Variants in OBSL1 observed in about 807,000 individuals in gnomAD.
OBSL1 encodes obscurin-like protein 1.
OBSL1 carries 160 observed loss-of-function variants against 172.0 expected under a neutral mutation model. That is an observed-to-expected ratio of 0.93 (90% confidence interval 0.82 to 1.06). The LOEUF is 1.06. Ranked by LOEUF, OBSL1 falls within the 50% of genes least tolerant of loss-of-function variation. The pLI is 0.00. For missense variants in OBSL1, 2,681 were observed against 2,715.4 expected (o/e 0.99, Z 0.28); for synonymous variants, 1,200 against 1,196.3 (o/e 1.00, Z -0.06).
At chr2:219,555,958 G>A (rs1326956135) in intron 14 of OBSL1, 62 bp downstream of exon 14, 1 of 1,578,542 alleles carries the variant, frequency 6.3e-7, no homozygotes. Flanking sequence ...GGGACTCCAG[G>A]ACAGCCAGAA....
At chr2:219,551,139 G>A in intron 20 of OBSL1, 1 of 1,399,318 alleles carries the variant, frequency 7.1e-7, no homozygotes. Context: ...TGCTGAGATG[G>A]GCAGAGGCAA....
At chr2:219,549,716 G>A, downstream of OBSL1, 1 of 1,613,700 alleles carries the variant, frequency 6.2e-7, no homozygotes, top group Non-Finnish European at 8.5e-7. Context: ...CTCCCCCACA[G>A]AGCTATATCC....
At position 219,553,595 on chromosome 2, in the gene OBSL1, C is replaced by G. The variant is rs758657495; in HGVS notation, c.4968G>C (p.Leu1656Phe). 2.5e-6 allele frequency: 4 copies of G among 1,613,736 alleles called. No homozygotes were observed. The highest frequency in any genetic ancestry group is 2.2e-5 in the South Asian group (2 of 91,034). Reference protein sequence around the residue: ...ATFECELSQALADVTWEKDGN... With the variant: ...ATFECELSQAFADVTWEKDGN... ...TGACCTTCTCCCAGGTAACATCAGC[C>G]AAAGCTTGGGAAAGCTCGCACTCGA... The change falls in exon 16 of 21, where the codon TTG becomes TTC. Residue 1656 changes from leucine (L) to phenylalanine (F), a missense_variant. Coordinates refer to ENST00000404537, the MANE Select transcript of OBSL1 (RefSeq NM_015311.3).
rs1406198575 is a variant in OBSL1 at position 219,568,691 on chromosome 2, C to A, written c.1013-367G>T. Among the ~76,000 whole-genome samples, 7 of 152,162 alleles carry A rather than the reference C, an allele frequency of 4.6e-5. No homozygotes were observed. Among genetic ancestry groups the A allele is most frequent in the Non-Finnish European group, 8.8e-5 (6 of 68,024 alleles). ...TTTCCAAACTGTTCCCTGGCTCCCC[C>A]CGCCCCAGTCATTTCACATATTCTG... On this transcript the variant is annotated intron_variant, in intron 1 of 20. Transcript: ENST00000404537. This position sits in a 1 kb window ranked among gnomAD's most constrained non-coding sequence, Gnocchi z 4.1.
At position 219,556,733 on chromosome 2, in the gene OBSL1, A is replaced by G; in HGVS notation, c.4067-10T>C. On this transcript the variant is annotated splice_polypyrimidine_tract_variant and intron_variant, in intron 12 of 20. Coordinates refer to ENST00000404537, the MANE Select transcript of OBSL1 (RefSeq NM_015311.3). ...TTCACCAGCAGTGGCTCTAAGGGGC[A>G]CGGTAAGGCAGTGAGCTGGGCTGAG... The G allele has an allele frequency of 6.3e-7, 1 of 1,590,916 alleles. No individual in the cohort carries two copies. The highest frequency in any genetic ancestry group is 8.6e-7 in the Non-Finnish European group (1 of 1,163,610).
chr2:219,570,476 T>A lies in OBSL1; in HGVS notation c.757A>T (p.Lys253Ter). Residue 253 changes from lysine (K) to a stop codon, truncating the protein, a stop_gained, in exon 1 of 21, where the codon AAG (lysine) becomes TAG (stop). Transcript: ENST00000404537. LOFTEE classifies it high-confidence loss of function. ...TTGCCCTCGTTCACCCAGAAGGTCTTAGGCGCGCACTTGAGCGGCTCCACC... is the reference window on the plus strand; with the variant it reads ...TTGCCCTCGTTCACCCAGAAGGTCTAAGGCGCGCACTTGAGCGGCTCCACC... ...PVVEPLKCAPKTFWVNEGKHA... is the reference protein window; with the variant it reads ...PVVEPLKCAP 1.2e-6 allele frequency: 2 copies of A among 1,612,664 alleles called. No homozygotes were observed. The highest frequency in any genetic ancestry group is 1.7e-6 in the Non-Finnish European group (2 of 1,179,520).
At chr2:219,566,361 AGAGT>A (rs1696889489) in intron 5 of OBSL1, among the ~76,000 whole-genome samples, 2 of 152,078 alleles carry the variant, frequency 1.3e-5, no homozygotes, top group African/African-American at 2.4e-5. Context: ...CCTGGGCGAC[AGAGT>A]GAGACTCTAT....
rs780528802 is a variant in OBSL1 at position 219,556,224 on chromosome 2, C to T, written c.4405G>A (p.Glu1469Lys). ...RAEEGQDVCL[E>K]VETGRVGAAG... ...GCACCCACTCGGCCTGTCTCCACTT[C>T]GAGACACACATCCTGGCCTTCCTCT... The change falls in exon 14 of 21, where the codon GAA becomes AAA. Residue 1469 changes from glutamate to lysine, a missense_variant. This residue lies in a region of OBSL1 where 1,765 missense variants were observed against 1,748.3 expected (regional missense o/e 1.01). Transcript: ENST00000404537. The T allele has an allele frequency of 4.0e-5, 64 of 1,608,662 alleles. No individual in the cohort carries two copies. The highest frequency in any genetic ancestry group is 1.7e-4 in the Middle Eastern group (1 of 5,906).
At chr2:219,559,164 G>T in intron 9 of OBSL1, 61 bp downstream of exon 9, 1 of 1,483,192 alleles carries the variant, frequency 6.7e-7, no homozygotes, top group Non-Finnish European at 9.2e-7. Flanking sequence ...GGGCTAGGTG[G>T]GTGTCTGTCC....
chr2:219,570,570 C>T lies in OBSL1; in HGVS notation c.663G>A (p.Gly221=). The T allele has an allele frequency of 1.3e-6, 2 of 1,551,056 alleles. No individual in the cohort carries two copies. Among genetic ancestry groups the T allele is most frequent in the South Asian group, 1.2e-5 (1 of 84,414 alleles). The change falls in exon 1 of 21, where the codon GGG becomes GGA. Residue 221 remains glycine, a synonymous_variant. Coordinates refer to ENST00000404537, the MANE Select transcript of OBSL1 (RefSeq NM_015311.3). The part of the protein sequence containing the change: ...ARNAHGHAQA[G]ALLQVHQPPE... Reference sequence around the variant, plus strand: ...GGGGCTGGTGCACCTGGAGCAGCGCCCCCGCCTGCGCGTGGCCGTGCGCGT... The same window carrying T: ...GGGGCTGGTGCACCTGGAGCAGCGCTCCCGCCTGCGCGTGGCCGTGCGCGT...
Position 219,571,194 on chromosome 2 carries a change from G to A in OBSL1, c.39C>T (p.Cys13=). 3 of 1,468,434 alleles carry A rather than the reference G, an allele frequency of 2.0e-6. No individual in the cohort carries two copies. The highest frequency in any genetic ancestry group is 2.7e-5 in the South Asian group (2 of 74,798). 91.0% of individuals were successfully genotyped at this position (1,468,434 alleles called of 1,614,324 possible). Reference sequence around the variant, plus strand: ...GCACAGGCCGCGGGAAGCGCAGGAAGCACGGGGGGCTCCCCTGATCCCCCG... The same window carrying A: ...GCACAGGCCGCGGGAAGCGCAGGAAACACGGGGGGCTCCCCTGATCCCCCG... ...ASSGDQGSPP[C]FLRFPRPVRV... The change falls in exon 1 of 21, where the codon TGC becomes TGT. Residue 13 remains cysteine, a synonymous_variant. Transcript: ENST00000404537.
At chr2:219,559,743 C>G (rs1436616986) in intron 8 of OBSL1, 4 of 492,494 alleles carry the variant, frequency 8.1e-6, no homozygotes, top group Non-Finnish European at 1.4e-5. Flanking sequence ...CCTCAGCCCC[C>G]ACGGGAGCCT....
chr2:219,561,573 C>T, intron 8 of OBSL1: 1 of 366,290 alleles, frequency 2.7e-6, no homozygotes. Context: ...CCAGGCTGTG[C>T]AGTCCTAGAG....
chr2:219,552,393 G>T, intron 18 of OBSL1, 143 bp downstream of exon 18: 1 of 889,018 alleles, frequency 1.1e-6, no homozygotes, highest in Non-Finnish European at 1.7e-6. Flanking sequence ...GCTGGGGGCG[G>T]GGGAAAGAAC....
Position 219,550,845 on chromosome 2 carries a change from G to A in OBSL1, c.5684-3C>T. ...CCTGGTTAGGTTCTCCTAGTTGCCT[G>A]CAGAGGAATGACTCCACATGGGGCT... On this transcript the variant is annotated splice_region_variant and splice_polypyrimidine_tract_variant and intron_variant, in intron 20 of 20. Transcript: ENST00000404537. 2 of 1,610,166 alleles carry A rather than the reference G, an allele frequency of 1.2e-6. No individual in the cohort carries two copies. Among genetic ancestry groups the A allele is most frequent in the African/African-American group, 1.3e-5 (1 of 74,550 alleles).
downstream of OBSL1, chr2:219,550,692 G>C (rs1695552565): frequency 8.7e-7 from 1 of 1,149,464 alleles, no homozygotes; most frequent in African/African-American, 1.5e-5. Context: ...TCCAGGCAAG[G>C]TCTGCCCCCC....
rs377578684 is a variant in OBSL1, at chr2:219,563,639, G to A, written c.2408-12C>T. ...GTGCACGGGAGGATCTGGGTGGGAA[G>A]CAGAGATGGCATTGCACAGACACCC... On this transcript the variant is annotated splice_polypyrimidine_tract_variant and intron_variant, in intron 6 of 20. Coordinates refer to ENST00000404537, the MANE Select transcript of OBSL1 (RefSeq NM_015311.3). 1.2e-6 allele frequency: 2 copies of A among 1,607,168 alleles called. No homozygotes were observed. Among genetic ancestry groups the A allele is most frequent in the African/African-American group, 1.3e-5 (1 of 74,728 alleles).
In OBSL1 at chr2:219,558,348, C is replaced by T. The variant is rs1162974945; in HGVS notation, c.3338G>A (p.Arg1113His). The change falls in exon 10 of 21, where the codon CGC becomes CAC. Residue 1113 changes from arginine to histidine, a missense_variant. This residue lies in a region of OBSL1 where 1,765 missense variants were observed against 1,748.3 expected (regional missense o/e 1.01). Transcript: ENST00000404537. ...CEVAPAGSQV[R>H]WYKDGLEVEA... is the part of the protein sequence containing the mutation. Reference sequence around the variant, plus strand: ...CACTTCCAGCCCGTCCTTGTACCAGCGCACCTGAGACCCAGCTGGGGCCAC... The same window carrying T: ...CACTTCCAGCCCGTCCTTGTACCAGTGCACCTGAGACCCAGCTGGGGCCAC... The T allele has an allele frequency of 3.7e-6, 6 of 1,612,400 alleles. No homozygotes were observed. Among genetic ancestry groups the T allele is most frequent in the Admixed American group, 3.3e-5 (2 of 59,918 alleles).
intron 8 of OBSL1, 151 bp downstream of exon 8, chr2:219,562,251 G>A: frequency 1.1e-6 from 1 of 936,720 alleles, no homozygotes; most frequent in Non-Finnish European, 1.6e-6. Context: ...CTTGAATAGG[G>A]GCCCTGGGCT....
Sources: allele counts gnomAD v4.1 joint callset (sites outside exome capture counted in the v4.1 genomes callset), GRCh38; gene constraint gnomAD v4.1.1; regional missense constraint gnomAD v4.1.1; non-coding constraint Gnocchi (gnomAD v3.1); transcripts MANE v1.5; gene names NCBI Gene and HGNC (gene_info 2026-07-23, HGNC 2026-07-21).